XPR1: variants seen among roughly 807,000 people sequenced by gnomAD.
XPR1 encodes xenotropic and polytropic retrovirus receptor 1.
A neutral mutation model predicts 87.5 loss-of-function variants in XPR1; 28 were observed. That is an observed-to-expected ratio of 0.32 (90% CI 0.24 to 0.44). The LOEUF (loss-of-function observed/expected upper bound fraction) is 0.44, where lower values mean the gene tolerates loss of function less well. Among genes scored for constraint, XPR1 ranks in the 20% least tolerant of loss-of-function variants. The probability of loss-of-function intolerance (pLI) is 1.00; values close to 1 mark genes in which losing one functional copy is unlikely to be tolerated. For missense variants in XPR1, 559 were observed against 862.3 expected (o/e 0.65, Z 4.41); for synonymous variants, 300 against 306.1 (o/e 0.98, Z 0.21).
intron 11 of XPR1, among the ~76,000 whole-genome samples, chr1:180,838,306 TGAGGAGGAG>T (rs150537771): frequency 0.017 from 2,551 of 152,126 alleles, 79 homozygotes; most frequent in African/African-American, 0.056. Flanking sequence ...TTGTGTAGGC[TGAGGAGGAG>T]GAGGAAGAGG....
intron 2 of XPR1, among the ~76,000 whole-genome samples, chr1:180,760,180 A>G (rs192531821): frequency 1.4e-4 from 22 of 152,328 alleles, no homozygotes; most frequent in Admixed American, 1.2e-3. Flanking sequence ...AAAAACTGGA[A>G]GCATTCCCTT....
At chr1:180,673,444 A>G (rs991693058) in intron 1 of XPR1, among the ~76,000 whole-genome samples, 2 of 152,176 alleles carry the variant, frequency 1.3e-5, no homozygotes, top group African/African-American at 4.8e-5. Context: ...CACATCAGCA[A>G]TCATCTAAAA....
chr1:180,851,726 A>G (rs1181463725), intron 11 of XPR1, among the ~76,000 whole-genome samples: 1 of 152,116 alleles, frequency 6.6e-6, no homozygotes, highest in Non-Finnish European at 1.5e-5. Flanking sequence ...AGAGGTTCTG[A>G]TGATCTGATC....
At chr1:180,707,511 T>G (rs10914076) in intron 2 of XPR1, among the ~76,000 whole-genome samples, 52,655 of 152,044 alleles carry the variant, frequency 0.35, 9,548 homozygotes, top group Non-Finnish European at 0.39. Context: ...TCCTTTGGAC[T>G]TGAGAGATTC....
At chr1:180,633,004 GAGA>G (rs1274519460) in intron 1 of XPR1, among the ~76,000 whole-genome samples, 1 of 152,198 alleles carries the variant, frequency 6.6e-6, no homozygotes, top group East Asian at 1.9e-4. Context: ...AGAGAAAGGA[GAGA>G]AGAGAATTAT....
chr1:180,748,019 T>C (rs1279310670), intron 2 of XPR1, among the ~76,000 whole-genome samples: 1 of 152,242 alleles, frequency 6.6e-6, no homozygotes, highest in Non-Finnish European at 1.5e-5. Flanking sequence ...GTGAATCATA[T>C]TATAAAAGTT....
chr1:180,840,562 GTGTGTATATATATATATATA>G (rs897582972), intron 11 of XPR1, among the ~76,000 whole-genome samples: 1 of 135,092 alleles, frequency 7.4e-6, no homozygotes, highest in African/African-American at 2.9e-5. Context: ...GTGTGTGTGT[GTGTGTATATATATATATATA>G]TATATATAAA....
At chr1:180,734,830 G>A (rs150229098) in intron 2 of XPR1, among the ~76,000 whole-genome samples, 15 of 152,288 alleles carry the variant, frequency 9.8e-5, no homozygotes, top group Non-Finnish European at 1.9e-4. Flanking sequence ...AGAACTATGA[G>A]TGGTCAGGAT....
At chr1:180,636,394 G>A (rs1201757921) in intron 1 of XPR1, among the ~76,000 whole-genome samples, 2 of 152,160 alleles carry the variant, frequency 1.3e-5, no homozygotes, top group Non-Finnish European at 2.9e-5. Flanking sequence ...TGAGATGGTT[G>A]GCATTTACAA....
At chr1:180,881,109 A>G (rs1652840386) in intron 14 of XPR1, among the ~76,000 whole-genome samples, 1 of 152,238 alleles carries the variant, frequency 6.6e-6, no homozygotes, top group South Asian at 2.1e-4. Flanking sequence ...TAGATGAAGT[A>G]TGATTGTAAA....
At chr1:180,753,558 A>AC (rs1042263424) in intron 2 of XPR1, among the ~76,000 whole-genome samples, 5 of 151,976 alleles carry the variant, frequency 3.3e-5, no homozygotes, top group African/African-American at 1.2e-4. Context: ...TGTCTTTAAA[A>AC]AAAAAAAAAA....
chr1:180,736,137 C>T (rs557544916), intron 2 of XPR1, among the ~76,000 whole-genome samples: 5 of 152,156 alleles, frequency 3.3e-5, no homozygotes, highest in South Asian at 2.1e-4. Context: ...TGGGGGTGGT[C>T]GGAAAACACT....
chr1:180,843,181 AATAGACTGTTAT>A (rs1651571932), intron 11 of XPR1, among the ~76,000 whole-genome samples: 1 of 152,224 alleles, frequency 6.6e-6, no homozygotes, highest in Non-Finnish European at 1.5e-5. Context: ...TACCCTGAGT[AATAGACTGTTAT>A]GCCAAAATGT....
intron 1 of XPR1, among the ~76,000 whole-genome samples, chr1:180,673,722 TG>T (rs1316338951): frequency 1.4e-4 from 22 of 152,214 alleles, no homozygotes; most frequent in African/African-American, 5.3e-4. Context: ...TTATCTGAAG[TG>T]GAACAGTTTC....
chr1:180,660,598 T>A (rs1251135689), intron 1 of XPR1, among the ~76,000 whole-genome samples: 1 of 152,252 alleles, frequency 6.6e-6, no homozygotes, highest in East Asian at 1.9e-4. Flanking sequence ...AATCTGTTCA[T>A]TGAGCCACTG....
chr1:180,727,468 A>G (rs981720507), intron 2 of XPR1, among the ~76,000 whole-genome samples: 2 of 152,048 alleles, frequency 1.3e-5, no homozygotes, highest in African/African-American at 4.8e-5. Flanking sequence ...ACATGGTGAA[A>G]CCCTGCCTCT....
chr1:180,765,323 G>A (rs568912085), intron 2 of XPR1, among the ~76,000 whole-genome samples: 2 of 152,294 alleles, frequency 1.3e-5, no homozygotes, highest in South Asian at 2.1e-4. Flanking sequence ...CTCAATGCCA[G>A]CCAATCTAAT....
intron 2 of XPR1, among the ~76,000 whole-genome samples, chr1:180,733,071 A>G (rs1658611221): frequency 6.6e-6 from 1 of 152,174 alleles, no homozygotes; most frequent in African/African-American, 2.4e-5. Context: ...CTCGACGTCC[A>G]GCCGCCTGTG....
intron 11 of XPR1, 41 bp from the exon 12 acceptor site, chr1:180,863,667 G>T (rs1198743531): frequency 1.3e-5 from 19 of 1,503,312 alleles, no homozygotes; most frequent in African/African-American, 2.8e-5. Flanking sequence ...TTACTTAAAT[G>T]TAGTAATTTT....
Sources: allele counts gnomAD v4.1 joint callset (sites outside exome capture counted in the v4.1 genomes callset), GRCh38; gene constraint gnomAD v4.1.1; transcripts MANE v1.5; gene names NCBI Gene and HGNC (gene_info 2026-07-23, HGNC 2026-07-21).